Variants in WDFY3 observed in about 807,000 individuals in gnomAD.
WDFY3 encodes the protein WD repeat and FYVE domain containing 3.
In WDFY3, 66 loss-of-function variants were observed where a neutral mutation model predicts 409.6. The observed-to-expected ratio is 0.16, with a 90% CI of 0.13 to 0.20. The LOEUF (loss-of-function observed/expected upper bound fraction) is 0.20, where lower values mean the gene tolerates loss of function less well. Ranked by LOEUF, WDFY3 falls within the 10% of genes least tolerant of loss-of-function variation. WDFY3 has a pLI of 1.00. For missense variants in WDFY3, 3,031 were observed against 4,298.1 expected (o/e 0.71, Z 8.24); for synonymous variants, 1,521 against 1,537.1 (o/e 0.99, Z 0.25).
intron 31 of WDFY3, 33 bp from the exon 32 acceptor site, chr4:84,766,060 A>G (rs1169248284): frequency 2.5e-6 from 4 of 1,585,392 alleles, no homozygotes; most frequent in Non-Finnish European, 3.4e-6. Flanking sequence ...AAAAACAAAA[A>G]ACAAAATTAA....
At chr4:84,827,105 A>G (rs1350863471) in intron 9 of WDFY3, 124 bp from the exon 10 acceptor site, 3 of 977,866 alleles carry the variant, frequency 3.1e-6, no homozygotes, top group Admixed American at 3.6e-5. Flanking sequence ...GAAGTACTGA[A>G]AGAACACTGG....
chr4:84,731,827 A>G (rs565070713), intron 44 of WDFY3, among the ~76,000 whole-genome samples: 1 of 152,364 alleles, frequency 6.6e-6, no homozygotes, highest in Admixed American at 6.5e-5. Flanking sequence ...AAATAATTCA[A>G]AAGTAAATGC....
At chr4:84,712,997 C>T (rs1733198245) in intron 51 of WDFY3, among the ~76,000 whole-genome samples, 162 bp downstream of exon 51, 1 of 152,152 alleles carries the variant, frequency 6.6e-6, no homozygotes, top group Non-Finnish European at 1.5e-5. Context: ...AGTGCTTATG[C>T]ATACCTTTTT....
At chr4:84,735,340 T>C in intron 42 of WDFY3, among the ~76,000 whole-genome samples, 1 of 152,218 alleles carries the variant, frequency 6.6e-6, no homozygotes, top group Non-Finnish European at 1.5e-5. Context: ...AAGGGCTTGC[T>C]GCCCACGTGT....
intron 16 of WDFY3, 86 bp from the exon 17 acceptor site, chr4:84,801,950 ATTTT>A: frequency 1.9e-6 from 2 of 1,073,240 alleles, no homozygotes; most frequent in Non-Finnish European, 2.6e-6. Context: ...TACCTTTTTA[ATTTT>A]TTTTTTTTTT....
chr4:84,855,689 G>T (rs1384311541), intron 4 of WDFY3, among the ~76,000 whole-genome samples: 1 of 152,102 alleles, frequency 6.6e-6, no homozygotes, highest in African/African-American at 2.4e-5. Flanking sequence ...ACCATCATTA[G>T]TCCTAAAATA....
At chr4:84,728,167 G>A (rs974372918) in intron 44 of WDFY3, among the ~76,000 whole-genome samples, 11 of 152,198 alleles carry the variant, frequency 7.2e-5, no homozygotes, top group Admixed American at 6.5e-4. Context: ...GCATATGAAA[G>A]TGAAGAAAAC....
At chr4:84,758,342 C>G (rs758912813) in intron 32 of WDFY3, among the ~76,000 whole-genome samples, 1 of 152,120 alleles carries the variant, frequency 6.6e-6, no homozygotes, top group Non-Finnish European at 1.5e-5. Flanking sequence ...AACTCCTGGA[C>G]TCAAAGGATC....
At chr4:84,708,804 G>A (rs1732421595) in intron 53 of WDFY3, 105 bp downstream of exon 53, 3 of 1,292,846 alleles carry the variant, frequency 2.3e-6, no homozygotes, top group Non-Finnish European at 3.2e-6. Flanking sequence ...GCCTCCCAAA[G>A]TGCTAGGATT....
intron 45 of WDFY3, among the ~76,000 whole-genome samples, chr4:84,725,560 C>T (rs995805427): frequency 2.6e-5 from 4 of 152,058 alleles, no homozygotes; most frequent in African/African-American, 7.2e-5. Flanking sequence ...ATAGGTTCCT[C>T]GGATCGGAAT....
chr4:84,867,908 C>T (rs895887383), intron 3 of WDFY3, among the ~76,000 whole-genome samples: 6 of 152,020 alleles, frequency 3.9e-5, no homozygotes, highest in African/African-American at 1.2e-4. Context: ...CAGTGGCTCA[C>T]GCCTGTAATC....
intron 1 of WDFY3, among the ~76,000 whole-genome samples, chr4:84,935,810 T>C (rs1771330356): frequency 6.6e-6 from 1 of 152,190 alleles, no homozygotes; most frequent in African/African-American, 2.4e-5. Flanking sequence ...AGATTTACAA[T>C]CTTTCATTTT....
intron 53 of WDFY3, among the ~76,000 whole-genome samples, 180 bp downstream of exon 53, chr4:84,708,729 C>T (rs1050424143): frequency 3.3e-5 from 5 of 152,064 alleles, no homozygotes; most frequent in Non-Finnish European, 5.9e-5. Context: ...TTAGTGGAGA[C>T]AGGGTTTCGC....
At chr4:84,917,558 A>C (rs1289119798) in intron 2 of WDFY3, among the ~76,000 whole-genome samples, 1 of 152,174 alleles carries the variant, frequency 6.6e-6, no homozygotes, top group East Asian at 1.9e-4. Context: ...CAGGCTTTAC[A>C]ATGTAAGACT....
chr4:84,794,719 G>T lies in WDFY3; in HGVS notation c.3287C>A (p.Pro1096His). ...GCTAGAGTAACTTAAGCCGGAGGGAGGAGGGAAGAATCTTTCACCTACAGT... is the reference window on the plus strand; with the variant it reads ...GCTAGAGTAACTTAAGCCGGAGGGATGAGGGAAGAATCTTTCACCTACAGT... ...GIGSGERFFP[P>H]PSGLSYSSWF... The change falls in exon 21 of 68, where the codon CCT (proline) becomes CAT (histidine). Residue 1096 changes from proline (P) to histidine (H), a missense_variant. Physicochemically the swap from Pro to His is moderately conservative, Grantham distance 77 (BLOSUM62 -2). Around this residue, in one of 16 missense-constraint regions of WDFY3, gnomAD observed 1,322 missense variants for 1,697.9 expected, o/e 0.78. Coordinates refer to ENST00000295888, the MANE Select transcript of WDFY3 (RefSeq NM_014991.6). 1 of 1,612,744 alleles carries T rather than the reference G, an allele frequency of 6.2e-7. No individual in the cohort carries two copies. Among genetic ancestry groups the T allele is most frequent in the Non-Finnish European group, 8.5e-7 (1 of 1,179,496 alleles).
intron 2 of WDFY3, among the ~76,000 whole-genome samples, chr4:84,923,305 A>C (rs565980844): frequency 6.6e-6 from 1 of 152,348 alleles, no homozygotes; most frequent in African/African-American, 2.4e-5. Context: ...AGGCCAAAGG[A>C]AATCTGGACA....
chr4:84,866,794 G>C (rs539355294), intron 3 of WDFY3, among the ~76,000 whole-genome samples: 1 of 152,084 alleles, frequency 6.6e-6, no homozygotes, highest in African/African-American at 2.4e-5. Flanking sequence ...GCTTCATTGC[G>C]TGTGCATTTT....
At chr4:84,927,791 T>A (rs1333837829) in intron 2 of WDFY3, among the ~76,000 whole-genome samples, 1 of 152,276 alleles carries the variant, frequency 6.6e-6, no homozygotes, top group Admixed American at 6.5e-5. Flanking sequence ...CCCAGCCATG[T>A]GGAACTGTGA....
chr4:84,712,373 T>TAAAAAAAAAAAAAAAAAAA (rs998951453), intron 51 of WDFY3, among the ~76,000 whole-genome samples: 3 of 75,086 alleles, frequency 4.0e-5, no homozygotes, highest in Non-Finnish European at 8.3e-5. Context: ...AGAAAAAAAT[T>TAAAAAAAAAAAAAAAAAAA]AAAAAAAAAA....
Sources: allele counts gnomAD v4.1 joint callset (sites outside exome capture counted in the v4.1 genomes callset), GRCh38; gene constraint gnomAD v4.1.1; regional missense constraint gnomAD v4.1.1; transcripts MANE v1.5; gene names NCBI Gene and HGNC (gene_info 2026-07-23, HGNC 2026-07-21).